Variants in MIA2 observed in about 807,000 individuals in gnomAD.
MIA2 encodes the protein melanoma inhibitory activity protein 2.
In MIA2, 127 loss-of-function variants were observed where a neutral mutation model predicts 167.8. That is an observed-to-expected ratio of 0.76 (90% CI 0.66 to 0.88). The LOEUF (loss-of-function observed/expected upper bound fraction) is 0.88, where lower values mean the gene tolerates loss of function less well. Ranked by LOEUF, MIA2 falls within the 40% of genes least tolerant of loss-of-function variation. MIA2 has a pLI of 0.00. For missense variants in MIA2, 1,690 were observed against 1,624.7 expected (o/e 1.04, Z -0.69); for synonymous variants, 552 against 541.9 (o/e 1.02, Z -0.26).
intron 24 of MIA2, 76 bp downstream of exon 24, chr14:39,321,132 T>C: frequency 7.0e-6 from 10 of 1,432,826 alleles, no homozygotes; most frequent in Middle Eastern, 1.8e-4. Flanking sequence ...ACCTTAAAAA[T>C]GATCTGTAAA....
In MIA2 at chr14:39,253,080, C is replaced by A. The variant is rs2054650420; in HGVS notation, c.1796C>A (p.Ser599Tyr). 1 of 1,592,008 alleles carries A rather than the reference C, an allele frequency of 6.3e-7. No individual in the cohort carries two copies. Among genetic ancestry groups the A allele is most frequent in the Non-Finnish European group, 8.5e-7 (1 of 1,169,672 alleles). ...ATTTATAAATCAACAGAAGATGCTTCTGAGTTTCAGATTCTGAAATACTTA... is the reference window on the plus strand; with the variant it reads ...ATTTATAAATCAACAGAAGATGCTTATGAGTTTCAGATTCTGAAATACTTA... ...QNYISQKEDA[S>Y]EFQILKYLFQ... Residue 599 changes from serine (S) to tyrosine (Y), a missense_variant, in exon 6 of 29, where the codon TCT becomes TAT. Ser to Tyr is a moderately radical substitution (Grantham distance 144). Coordinates refer to ENST00000640607, the MANE Select transcript of MIA2 (RefSeq NM_001329214.4).
intron 6 of MIA2, among the ~76,000 whole-genome samples, chr14:39,263,998 C>T (rs761649226): frequency 6.6e-6 from 1 of 152,182 alleles, no homozygotes; most frequent in Non-Finnish European, 1.5e-5. Context: ...AGGTTTGTTA[C>T]AAGGGTTGAT....
chr14:39,354,915 T>C (rs1317397248), downstream of MIA2, among the ~76,000 whole-genome samples: 1 of 152,216 alleles, frequency 6.6e-6, no homozygotes, highest in East Asian at 1.9e-4. Context: ...GTTCCATTGA[T>C]CTATATCTCT....
intron 18 of MIA2, 42 bp from the exon 19 acceptor site, chr14:39,313,298 T>A: frequency 2.0e-6 from 2 of 1,013,816 alleles, no homozygotes; most frequent in East Asian, 2.5e-5. Flanking sequence ...TGATTATCTT[T>A]TGACATGTAT....
intron 6 of MIA2, chr14:39,269,158 A>ATT: frequency 3.1e-6 from 2 of 643,792 alleles, no homozygotes; most frequent in Non-Finnish European, 3.8e-6. Context: ...TCCGCTTTAA[A>ATT]TTTTTTTTTT....
intron 6 of MIA2, among the ~76,000 whole-genome samples, chr14:39,258,972 C>T (rs973290093): frequency 1.3e-5 from 2 of 152,178 alleles, no homozygotes; most frequent in African/African-American, 4.8e-5. Context: ...CAAGGGGCAC[C>T]GGCCTGATGC....
chr14:39,339,312 CATTT>C (rs1222484194), intron 25 of MIA2, among the ~76,000 whole-genome samples: 2 of 152,120 alleles, frequency 1.3e-5, no homozygotes, highest in African/African-American at 2.4e-5. Flanking sequence ...TGACTACATA[CATTT>C]ATTTATTTAT....
At chr14:39,281,722 A>G (rs924363020) in intron 9 of MIA2, among the ~76,000 whole-genome samples, 2 of 151,434 alleles carry the variant, frequency 1.3e-5, no homozygotes, top group African/African-American at 4.9e-5. Flanking sequence ...CCCAGGTTCA[A>G]GTGATTCTCC....
intron 23 of MIA2, among the ~76,000 whole-genome samples, chr14:39,367,042 G>A (rs2074836795): frequency 6.6e-6 from 1 of 152,246 alleles, no homozygotes; most frequent in South Asian, 2.1e-4. Context: ...AAGCCACGCA[G>A]TTGTGCTGTG....
rs17109123 is a variant in MIA2, at chr14:39,315,645, A to G, written c.3181-38A>G. 9,052 of 1,472,940 alleles carry G rather than the reference A, an allele frequency of 6.1e-3. 467 individuals carry two copies. The African/African-American group carries it at 0.11, about 18-fold the overall frequency. The allele number at this position is 1,472,940 out of a possible 1,614,324, so 91.2% of individuals were successfully genotyped here. A position where few individuals can be genotyped will look rare whatever the true frequency, so the allele number is the denominator to read the frequency against. Reference sequence around the variant, plus strand: ...TGTGAATGTTTTTTACTTAAGAAAAATAATGGTCAGTAGCATTTTAATTAC... The same window carrying G: ...TGTGAATGTTTTTTACTTAAGAAAAGTAATGGTCAGTAGCATTTTAATTAC... On this transcript the variant is annotated intron_variant, in intron 20 of 28. Transcript: ENST00000640607.
At chr14:39,265,946 A>G in intron 6 of MIA2, 2 of 985,084 alleles carry the variant, frequency 2.0e-6, no homozygotes, top group Non-Finnish European at 2.4e-6. Flanking sequence ...GCATTTCCTG[A>G]AACTCCTCAG....
downstream of MIA2, among the ~76,000 whole-genome samples, chr14:39,353,030 C>T (rs1315182679): frequency 2.0e-5 from 3 of 152,108 alleles, no homozygotes; most frequent in Non-Finnish European, 2.9e-5. Flanking sequence ...CTCTTCACCC[C>T]ACCCCATCCT....
chr14:39,361,861 G>A (rs1316699682), intron 23 of MIA2, among the ~76,000 whole-genome samples: 1 of 152,186 alleles, frequency 6.6e-6, no homozygotes, highest in Non-Finnish European at 1.5e-5. Flanking sequence ...CCTTTATGAT[G>A]TTGAAGAATG....
chr14:39,237,841 G>A (rs950379647), intron 2 of MIA2, among the ~76,000 whole-genome samples: 17 of 152,142 alleles, frequency 1.1e-4, no homozygotes, highest in African/African-American at 4.1e-4. Flanking sequence ...CCAGGTTCAA[G>A]CAACTCTCCT....
rs765307679 is a variant in MIA2, at chr14:39,299,998, T to C, written c.2619+12T>C. ...AAAGTCACATCAAGGTAAATGGCTCTACTGGTTTTAGTGATCAAGTTGGCT... is the reference window on the plus strand; with the variant it reads ...AAAGTCACATCAAGGTAAATGGCTCCACTGGTTTTAGTGATCAAGTTGGCT... On this transcript the variant is annotated intron_variant, in intron 14 of 28. Coordinates refer to ENST00000640607, the MANE Select transcript of MIA2 (RefSeq NM_001329214.4). The C allele has an allele frequency of 4.4e-6, 7 of 1,583,150 alleles. No homozygotes were observed. Among genetic ancestry groups the C allele is most frequent in the Non-Finnish European group, 6.0e-6 (7 of 1,169,414 alleles).
intron 23 of MIA2, among the ~76,000 whole-genome samples, chr14:39,360,458 T>TC (rs1390604412): frequency 6.6e-6 from 1 of 151,444 alleles, no homozygotes; most frequent in African/African-American, 2.4e-5. Context: ...TTTAATGTTT[T>TC]TTTTTTTGTT....
intron 15 of MIA2, 119 bp downstream of exon 15, chr14:39,302,368 C>T: frequency 9.1e-7 from 1 of 1,098,760 alleles, no homozygotes. Context: ...TTCTGTCTGT[C>T]TGTGACACAC....
chr14:39,365,714 A>G (rs1595947505), intron 23 of MIA2, among the ~76,000 whole-genome samples: 1 of 151,318 alleles, frequency 6.6e-6, no homozygotes, highest in Non-Finnish European at 1.5e-5. Context: ...TCTCATTTAT[A>G]TCCTGAATTG....
At chr14:39,351,912 A>G (rs549038843), downstream of MIA2, among the ~76,000 whole-genome samples, 1 of 152,224 alleles carries the variant, frequency 6.6e-6, no homozygotes, top group African/African-American at 2.4e-5. Flanking sequence ...TGGCCAGTTT[A>G]TATTTCTTTC....
Sources: allele counts gnomAD v4.1 joint callset (sites outside exome capture counted in the v4.1 genomes callset), GRCh38; gene constraint gnomAD v4.1.1; transcripts MANE v1.5; gene names NCBI Gene and HGNC (gene_info 2026-07-23, HGNC 2026-07-21).